Variants in VNN1 observed in about 807,000 individuals in gnomAD.
The protein encoded by VNN1 is vanin 1.
VNN1 carries 29 observed loss-of-function variants against 41.9 expected under a neutral mutation model. That is an observed-to-expected ratio of 0.69 (90% CI 0.52 to 0.94). The LOEUF (loss-of-function observed/expected upper bound fraction) is 0.94, where lower values mean the gene tolerates loss of function less well. Ranked by LOEUF, VNN1 falls within the 40% of genes least tolerant of loss-of-function variation. The pLI, the probability that VNN1 is intolerant of heterozygous loss-of-function variation, is 0.00. For missense variants in VNN1, 637 were observed against 621.1 expected (o/e 1.03, Z -0.27); for synonymous variants, 233 against 224.4 (o/e 1.04, Z -0.34).
chr6:132,693,029 AT>A lies in VNN1; in HGVS notation c.820del (p.Met274Ter). The A allele has an allele frequency of 6.2e-7, 1 of 1,602,212 alleles. No homozygotes were observed. Reference protein sequence around the residue: ...ASNIHYPSKKMTGSGIYAPNS... With the variant: ...ASNIHYPSKKXTGSGIYAPNS... ...TCTTTAAGATCACACATTACCTGTC[AT>A]TTTCTTTGAGGGGTAATGTATGTTG... On this transcript the variant is annotated frameshift_variant, in exon 4 of 7. Coordinates refer to ENST00000367928, the MANE Select transcript of VNN1 (RefSeq NM_004666.3). LOFTEE classifies it high-confidence loss of function.
chr6:132,694,423 T>A (rs1422825582), intron 2 of VNN1, among the ~76,000 whole-genome samples: 2 of 152,242 alleles, frequency 1.3e-5, no homozygotes, highest in African/African-American at 2.4e-5. Flanking sequence ...TTTTTCTTCA[T>A]AGCATTTATC....
At chr6:132,686,103 A>G (rs543810377) in intron 5 of VNN1, among the ~76,000 whole-genome samples, 1 of 139,342 alleles carries the variant, frequency 7.2e-6, no homozygotes, top group East Asian at 2.4e-4. Flanking sequence ...ATTTTTTAGT[A>G]TAAGTATGTC....
rs1778121796 is a variant in VNN1, at chr6:132,681,568, A to T, written c.*1572T>A. On this transcript the variant is annotated 3_prime_UTR_variant, in exon 7 of 7. Transcript: ENST00000367928. ...AGACCTACTATAGTTGACAACGTTGAGCAAAAAAGAAACACTTAGGATGTT... is the reference window on the plus strand; with the variant it reads ...AGACCTACTATAGTTGACAACGTTGTGCAAAAAAGAAACACTTAGGATGTT... 6.6e-6 allele frequency: 1 copy of T among 152,350 alleles called. No individual in the cohort carries two copies. 9.4% of individuals were successfully genotyped at this position (152,350 alleles called of 1,614,324 possible).
At chr6:132,692,722 C>T in intron 4 of VNN1, 138 bp from the exon 5 acceptor site, 1 of 1,230,102 alleles carries the variant, frequency 8.1e-7, no homozygotes, top group Non-Finnish European at 1.1e-6. Context: ...GTAAAACATG[C>T]TGATAAAGAC....
intron 5 of VNN1, among the ~76,000 whole-genome samples, chr6:132,690,477 A>T (rs1350450651): frequency 2.0e-5 from 3 of 152,202 alleles, no homozygotes; most frequent in Non-Finnish European, 4.4e-5. Flanking sequence ...GGATAATAGC[A>T]TCAGCTCCAG....
At chr6:132,702,548 G>A (rs1323168478) in intron 2 of VNN1, among the ~76,000 whole-genome samples, 1 of 152,112 alleles carries the variant, frequency 6.6e-6, no homozygotes, top group Non-Finnish European at 1.5e-5. Context: ...GTAGTCAAAG[G>A]AGTGGTTGCA....
intron 2 of VNN1, among the ~76,000 whole-genome samples, chr6:132,710,822 G>A (rs1368693555): frequency 3.3e-5 from 5 of 152,140 alleles, no homozygotes; most frequent in Admixed American, 1.3e-4. Flanking sequence ...GAACAGTGCT[G>A]CAATAAACAT....
chr6:132,694,657 C>A (rs2114349311), intron 2 of VNN1, among the ~76,000 whole-genome samples: 1 of 150,926 alleles, frequency 6.6e-6, no homozygotes, highest in East Asian at 1.9e-4. Flanking sequence ...GAGTTTGAGA[C>A]CAGCCTGGGC....
At chr6:132,709,999 A>G (rs1466779064) in intron 2 of VNN1, among the ~76,000 whole-genome samples, 2 of 152,208 alleles carry the variant, frequency 1.3e-5, no homozygotes, top group Non-Finnish European at 2.9e-5. Flanking sequence ...ATTTATCAAA[A>G]TCCACCTTGT....
chr6:132,687,904 G>C (rs573169456), intron 5 of VNN1, among the ~76,000 whole-genome samples: 1 of 152,154 alleles, frequency 6.6e-6, no homozygotes, highest in Non-Finnish European at 1.5e-5. Context: ...AAAACTCTGA[G>C]TGATGTTTGC....
rs1186084756 is a variant in VNN1, at chr6:132,711,752, G to T, written c.298C>A (p.Pro100Thr). The T allele has an allele frequency of 3.7e-6, 6 of 1,613,886 alleles. No homozygotes were observed. The South Asian group carries it at 6.6e-5, about 18-fold the overall frequency. ...GGGATCCAGTTTACTTCAGGGTCTGGGATGTCCTCCAAATATGGGTAGAGA... is the reference window on the plus strand; with the variant it reads ...GGGATCCAGTTTACTTCAGGGTCTGTGATGTCCTCCAAATATGGGTAGAGA... ...DSLYPYLEDI[P>T]DPEVNWIPCN... Residue 100 changes from proline to threonine, a missense_variant, in exon 2 of 7, where the codon CCA (proline) becomes ACA (threonine). By Grantham distance (38) the Pro-to-Thr change is conservative. Transcript: ENST00000367928.
At chr6:132,689,178 C>A (rs1417683526) in intron 5 of VNN1, among the ~76,000 whole-genome samples, 2 of 152,022 alleles carry the variant, frequency 1.3e-5, no homozygotes, top group Non-Finnish European at 2.9e-5. Flanking sequence ...CTGCACTGGA[C>A]CTGATTCCTC....
chr6:132,701,326 C>T (rs1410605064), intron 2 of VNN1, among the ~76,000 whole-genome samples: 1 of 152,060 alleles, frequency 6.6e-6, no homozygotes, highest in Non-Finnish European at 1.5e-5. Context: ...TTTCTTGGCA[C>T]CCTCAAGGCA....
chr6:132,704,526 T>C (rs980177095), intron 2 of VNN1, among the ~76,000 whole-genome samples: 1 of 152,038 alleles, frequency 6.6e-6, no homozygotes, highest in African/African-American at 2.4e-5. Flanking sequence ...AAAATGGATA[T>C]GCAACATATC....
chr6:132,710,575 A>G (rs553362759), intron 2 of VNN1, among the ~76,000 whole-genome samples: 1 of 152,116 alleles, frequency 6.6e-6, no homozygotes, highest in Admixed American at 6.5e-5. Flanking sequence ...CCTTGTGTCC[A>G]TGTATTCTCG....
rs1180276212 is a variant in VNN1 at position 132,693,143 on chromosome 6, G to A, written c.707C>T (p.Thr236Ile). Reference sequence around the variant, plus strand: ...ATGTGGCAAAACATTCATCCAAGCTGTTGGGAATACTATGGTGTCCACGTG... The same window carrying A: ...ATGTGGCAAAACATTCATCCAAGCTATTGGGAATACTATGGTGTCCACGTG... ...DFHVDTIVFP[T>I]AWMNVLPHLS... is the part of the protein sequence containing the mutation. Residue 236 changes from threonine (T) to isoleucine (I), a missense_variant, in exon 4 of 7, where the codon ACA (threonine) becomes ATA (isoleucine). Coordinates refer to ENST00000367928, the MANE Select transcript of VNN1 (RefSeq NM_004666.3). The A allele has an allele frequency of 2.5e-6, 4 of 1,614,116 alleles. No individual in the cohort carries two copies. In the East Asian group the frequency reaches 6.7e-5, roughly 27 times the overall value.
At chr6:132,689,270 A>AACAC (rs58998291) in intron 5 of VNN1, among the ~76,000 whole-genome samples, 7 of 151,524 alleles carry the variant, frequency 4.6e-5, no homozygotes, top group South Asian at 2.1e-4. Flanking sequence ...TTTGTTGAGA[A>AACAC]ACACACACAC....
intron 4 of VNN1, 66 bp downstream of exon 4, chr6:132,692,958 A>T: frequency 6.7e-7 from 1 of 1,487,128 alleles, no homozygotes. Flanking sequence ...AGCTAGAAAA[A>T]CATGTTTTTT....
chr6:132,695,482 C>T (rs1281846116), intron 2 of VNN1, among the ~76,000 whole-genome samples: 1 of 152,094 alleles, frequency 6.6e-6, no homozygotes, highest in Non-Finnish European at 1.5e-5. Context: ...ATGACCTTGT[C>T]TTTCAAATAT....
Sources: gnomAD v4.1 joint callset for allele counts (sites outside exome capture counted in the v4.1 genomes callset) on GRCh38, gnomAD v4.1.1 for gene constraint, MANE v1.5 for transcripts, NCBI Gene and HGNC (gene_info 2026-07-23, HGNC 2026-07-21) for gene names.